Variants in GRID1 observed in about 807,000 individuals in gnomAD.
The protein encoded by GRID1 is glutamate receptor ionotropic, delta-1.
In GRID1, 28 loss-of-function variants were observed where a neutral mutation model predicts 98.0. The observed-to-expected ratio is 0.29, with a 90% confidence interval of 0.21 to 0.39. The LOEUF is 0.39. Ranked by LOEUF, GRID1 falls within the 10% of genes least tolerant of loss-of-function variation. GRID1 has a pLI of 1.00. For synonymous variants in GRID1, 553 were observed against 538.5 expected, an observed-to-expected ratio of 1.03 and a Z score of -0.37; for missense variants, 1,111 against 1,340.5, an observed-to-expected ratio of 0.83 and a Z score of 2.67.
At chr10:86,042,299 C>A (rs114765122) in intron 4 of GRID1, among the ~76,000 whole-genome samples, 1 of 152,186 alleles carries the variant, frequency 6.6e-6, no homozygotes, top group East Asian at 1.9e-4. Context: ...CTGATACTCA[C>A]GCCTCTGGCC....
At chr10:85,620,779 GCA>G (rs1398902209) in intron 13 of GRID1, among the ~76,000 whole-genome samples, 1 of 152,180 alleles carries the variant, frequency 6.6e-6, no homozygotes, top group Non-Finnish European at 1.5e-5. Context: ...ACACACCTGT[GCA>G]CACGCACATA....
intron 12 of GRID1, among the ~76,000 whole-genome samples, chr10:85,658,011 C>A (rs1042174867): frequency 6.6e-6 from 1 of 152,178 alleles, no homozygotes; most frequent in African/African-American, 2.4e-5. Context: ...CAGGATGCAC[C>A]ATTAACCTTT....
intron 15 of GRID1, among the ~76,000 whole-genome samples, chr10:85,612,856 G>A (rs1842749189): frequency 1.3e-5 from 2 of 152,082 alleles, no homozygotes; most frequent in African/African-American, 2.4e-5. Flanking sequence ...AGAACCCGGA[G>A]TGTGGACAGA....
chr10:86,259,982 C>T (rs145945773), intron 2 of GRID1, among the ~76,000 whole-genome samples: 5 of 152,354 alleles, frequency 3.3e-5, no homozygotes, highest in Admixed American at 1.3e-4. Flanking sequence ...TGAATTAATA[C>T]GCTGGCTTGT....
chr10:86,182,276 G>A (rs1182187599), intron 3 of GRID1, among the ~76,000 whole-genome samples: 5 of 152,198 alleles, frequency 3.3e-5, no homozygotes, highest in African/African-American at 1.2e-4. Flanking sequence ...CCTCTCTCCC[G>A]GCCCCAAGCA....
chr10:85,743,602 T>C (rs139544217), intron 8 of GRID1, among the ~76,000 whole-genome samples: 24 of 152,242 alleles, frequency 1.6e-4, no homozygotes, highest in African/African-American at 5.1e-4. Context: ...AGAAAACTAC[T>C]GTAGGAGTTT....
intron 1 of GRID1, among the ~76,000 whole-genome samples, 164 bp from the exon 2 acceptor site, chr10:86,364,260 C>T (rs1308478998): frequency 6.6e-6 from 1 of 152,200 alleles, no homozygotes; most frequent in Non-Finnish European, 1.5e-5. Flanking sequence ...CGATCTCCAC[C>T]TGCACAGGAA....
At chr10:85,602,828 T>C in intron 15 of GRID1, 127 bp from the exon 16 acceptor site, 1 of 644,890 alleles carries the variant, frequency 1.6e-6, no homozygotes, top group South Asian at 1.9e-5. Context: ...AGTATCCCTT[T>C]CATGTGGCTC....
intron 8 of GRID1, among the ~76,000 whole-genome samples, chr10:85,736,075 A>G (rs1841878845): frequency 8.7e-6 from 1 of 114,362 alleles, no homozygotes; most frequent in Non-Finnish European, 1.8e-5. Context: ...AGAGGGAAGG[A>G]AGGAGAGAAG....
At chr10:85,982,149 C>T (rs12784597) in intron 4 of GRID1, among the ~76,000 whole-genome samples, 10,500 of 150,394 alleles carry the variant, frequency 0.07, 417 homozygotes, top group Non-Finnish European at 0.094. Context: ...GGAAAAATGG[C>T]CATTTAGTGA....
intron 8 of GRID1, among the ~76,000 whole-genome samples, chr10:85,734,164 G>A (rs969853231): frequency 6.6e-6 from 1 of 152,060 alleles, no homozygotes; most frequent in African/African-American, 2.4e-5. Flanking sequence ...ATCTCCTAGA[G>A]GGGGCATATG....
chr10:85,724,746 G>A (rs868001245), intron 10 of GRID1, 70 bp from the exon 11 acceptor site: 14 of 1,282,978 alleles, frequency 1.1e-5, no homozygotes, highest in Middle Eastern at 2.7e-4. Context: ...CTGGGTCAAG[G>A]TCCACCCTCT....
intron 4 of GRID1, among the ~76,000 whole-genome samples, chr10:85,977,798 C>T (rs1219824647): frequency 6.6e-6 from 1 of 150,578 alleles, no homozygotes; most frequent in Admixed American, 6.6e-5. Flanking sequence ...GACCTCCCCG[C>T]CGACCCAGTG....
intron 2 of GRID1, among the ~76,000 whole-genome samples, chr10:86,296,784 CACAT>C (rs3061904): frequency 0.14 from 20,962 of 150,552 alleles, 1,593 homozygotes; most frequent in Middle Eastern, 0.23. Context: ...CATACATACA[CACAT>C]ACATACATAC....
intron 8 of GRID1, among the ~76,000 whole-genome samples, chr10:85,810,711 C>T (rs1049355726): frequency 6.6e-6 from 1 of 152,164 alleles, no homozygotes; most frequent in Non-Finnish European, 1.5e-5. Context: ...ATCATATTCC[C>T]CATCAGAAAA....
chr10:85,738,894 T>G (rs1193430512), intron 8 of GRID1, among the ~76,000 whole-genome samples: 1 of 152,126 alleles, frequency 6.6e-6, no homozygotes, highest in Non-Finnish European at 1.5e-5. Context: ...TTGGGGCTAA[T>G]GGAAGTGTTC....
chr10:86,096,194 G>C (rs931272189), intron 4 of GRID1, among the ~76,000 whole-genome samples: 3 of 152,066 alleles, frequency 2.0e-5, no homozygotes, highest in Admixed American at 1.3e-4. Context: ...TGGGGACTTG[G>C]GGGGAAGAGT....
At chr10:85,705,493 G>T (rs1440314248) in intron 12 of GRID1, among the ~76,000 whole-genome samples, 1 of 152,136 alleles carries the variant, frequency 6.6e-6, no homozygotes, top group Non-Finnish European at 1.5e-5. Flanking sequence ...AAAAGTCCAG[G>T]ACCAGATGGA....
intron 8 of GRID1, among the ~76,000 whole-genome samples, chr10:85,762,458 G>A (rs367713254): frequency 6.6e-6 from 1 of 152,128 alleles, no homozygotes; most frequent in Non-Finnish European, 1.5e-5. Context: ...ATTCTCCTAG[G>A]GTGTAGAGCT....
Sources: allele counts gnomAD v4.1 joint callset (sites outside exome capture counted in the v4.1 genomes callset), GRCh38; gene constraint gnomAD v4.1.1; transcripts MANE v1.5; gene names NCBI Gene and HGNC (gene_info 2026-07-23, HGNC 2026-07-21).